Variants in H2BC18 observed in about 807,000 individuals in gnomAD.
H2BC18 encodes the protein H2B clustered histone 18.
Under a neutral mutation model 6.3 loss-of-function variants are expected in H2BC18, and 8 were observed. The ratio of observed to expected loss-of-function variants is 1.28; its 90% CI spans 0.75 to 2.31. The LOEUF (loss-of-function observed/expected upper bound fraction) is 2.31, where lower values mean the gene tolerates loss of function less well. Among genes scored for constraint, H2BC18 ranks in the 30% most tolerant of loss-of-function variants. The probability of loss-of-function intolerance (pLI) is 0.00; values close to 1 mark genes in which losing one functional copy is unlikely to be tolerated. For synonymous variants in H2BC18, 104 were observed against 78.1 expected (o/e 1.33, Z -1.75); for missense variants, 106 against 174.5 (o/e 0.61, Z 2.21).
At position 149,791,359 on chromosome 1, in the gene H2BC18, T is replaced by G. The variant is rs782114637; in HGVS notation, c.378-8099A>C. The G allele has an allele frequency of 1.6e-5, 25 of 1,581,058 alleles. 5 individuals carry two copies. Among genetic ancestry groups the G allele is most frequent in the Non-Finnish European group, 2.6e-6 (3 of 1,160,780 alleles). ...TAAAGAACTGAAAAGAAAGAAAAAG[T>G]GGGATTTAGAAATCTCTTTGGATTC... On this transcript the variant is annotated intron_variant, in intron 1 of 1. Transcript: ENST00000545683.
At chr1:149,791,190 T>G in intron 1 of H2BC18, 1 of 1,605,694 alleles carries the variant, frequency 6.2e-7, no homozygotes, top group Non-Finnish European at 8.5e-7. Flanking sequence ...GCTAGACCCC[T>G]CTGGTCTCTA....
At position 149,790,395 on chromosome 1, in the gene H2BC18, A is replaced by G. The variant is rs2091675457; in HGVS notation, c.378-7135T>C. 3.2e-6 allele frequency: 5 copies of G among 1,551,854 alleles called. No homozygotes were observed. The Admixed American group carries it at 5.9e-5, about 18-fold the overall frequency. Reference sequence around the variant, plus strand: ...AGAAGAAGGGACTCCCTTATCTCCCATGGGACTGAGGTTTGTTCAAGGGTT... The same window carrying G: ...AGAAGAAGGGACTCCCTTATCTCCCGTGGGACTGAGGTTTGTTCAAGGGTT... On this transcript the variant is annotated intron_variant, in intron 1 of 1. Transcript: ENST00000545683.
At position 149,812,143 on chromosome 1, in the gene H2BC18, C is replaced by A; in HGVS notation, c.181G>T (p.Gly61Cys). The change falls in exon 1 of 1, where the codon GGC (glycine) becomes TGC (cysteine). Residue 61 changes from glycine to cysteine, a missense_variant. Coordinates refer to ENST00000369167, the MANE Select transcript of H2BC18 (RefSeq NM_001024599.5). ...PDTGISSKAMGIMNSFVNDIF... is the reference protein window; with the variant it reads ...PDTGISSKAMCIMNSFVNDIF... ...TCGTTGACGAAGGAGTTCATGATGC[C>A]CATGGCCTTGGACGAGATGCCGGTG... The A allele has an allele frequency of 6.2e-7, 1 of 1,614,254 alleles. No individual in the cohort carries two copies. The highest frequency in any genetic ancestry group is 8.5e-7 in the Non-Finnish European group (1 of 1,180,052).
chr1:149,785,809 C>T (rs1553750783), intron 1 of H2BC18: 1 of 152,040 alleles, frequency 6.6e-6, no homozygotes, highest in Admixed American at 6.6e-5. Flanking sequence ...CTCCTTCTTG[C>T]CCATTTCTAG....
chr1:149,790,043 T>C (rs370580970), intron 1 of H2BC18: 10 of 1,612,940 alleles, frequency 6.2e-6, no homozygotes, highest in African/African-American at 1.4e-5. Context: ...CCCCATCAAC[T>C]TTCTCCTTAG....
At position 149,790,405 on chromosome 1, in the gene H2BC18, G is replaced by A. The variant is rs2091675885; in HGVS notation, c.378-7145C>T. On this transcript the variant is annotated intron_variant, in intron 1 of 1. Coordinates refer to the H2BC18 transcript ENST00000545683. Reference sequence around the variant, plus strand: ...ACTCCCTTATCTCCCATGGGACTGAGGTTTGTTCAAGGGTTTTTGGCCCAG... The same window carrying A: ...ACTCCCTTATCTCCCATGGGACTGAAGTTTGTTCAAGGGTTTTTGGCCCAG... 6 of 1,549,470 alleles carry A rather than the reference G, an allele frequency of 3.9e-6. No homozygotes were observed. The East Asian group carries it at 1.5e-4, about 38-fold the overall frequency.
chr1:149,809,623 A>G (rs1428494881), downstream of H2BC18, among the ~76,000 whole-genome samples: 12 of 146,598 alleles, frequency 8.2e-5, no homozygotes, highest in African/African-American at 2.4e-4. Context: ...ACCGAGAAGC[A>G]TATGTCTCTA....
At chr1:149,789,288 G>C (rs1212975876) in intron 1 of H2BC18, among the ~76,000 whole-genome samples, 3 of 152,114 alleles carry the variant, frequency 2.0e-5, no homozygotes, top group Admixed American at 1.3e-4. Context: ...AGCTACTCGG[G>C]AGGCTGAGGC....
intron 1 of H2BC18, among the ~76,000 whole-genome samples, chr1:149,806,580 G>A (rs375948664): frequency 1.1e-4 from 16 of 151,466 alleles, no homozygotes; most frequent in African/African-American, 2.7e-4. Context: ...AGAGCGAGAC[G>A]CGAGACTCCG....
intron 1 of H2BC18, among the ~76,000 whole-genome samples, chr1:149,789,830 C>T (rs2091656077): frequency 6.6e-6 from 1 of 152,078 alleles, no homozygotes; most frequent in Non-Finnish European, 1.5e-5. Context: ...GGTTGGGGAC[C>T]ACTGGTATAG....
chr1:149,800,876 A>G (rs2091860981), intron 1 of H2BC18, among the ~76,000 whole-genome samples: 1 of 152,140 alleles, frequency 6.6e-6, no homozygotes, highest in Non-Finnish European at 1.5e-5. Flanking sequence ...CCTTGAGCCC[A>G]GGAGTTTGAG....
At chr1:149,792,993 G>A in intron 1 of H2BC18, 2 of 1,275,256 alleles carry the variant, frequency 1.6e-6, no homozygotes, top group Non-Finnish European at 2.0e-6. Context: ...GCCTCCCCAG[G>A]CGCGTAGCTG....
intron 1 of H2BC18, among the ~76,000 whole-genome samples, chr1:149,801,089 A>G (rs1425362264): frequency 1.3e-4 from 20 of 152,104 alleles, no homozygotes; most frequent in Non-Finnish European, 2.5e-4. Flanking sequence ...CGGTCTCTAG[A>G]AAATAAATAA....
chr1:149,811,994 G>A lies in H2BC18; in HGVS notation c.330C>T (p.His110=), dbSNP rs1473234507. The change falls in exon 1 of 1, where the codon CAC becomes CAT. Residue 110 remains histidine, a synonymous_variant. Coordinates refer to ENST00000369167, the MANE Select transcript of H2BC18 (RefSeq NM_001024599.5). ...CCGCCTTGGTGCCCTCGGACACGGC[G>A]TGCTTGGCCAGCTCGCCGGGCAGCA... The part of the protein sequence containing the change: ...RLLLPGELAK[H]AVSEGTKAVT... 24 of 1,613,890 alleles carry A rather than the reference G, an allele frequency of 1.5e-5. No homozygotes were observed. In the Admixed American group the frequency reaches 2.0e-4, roughly 13 times the overall value.
Position 149,812,350 on chromosome 1 carries a change from C to G in H2BC18, c.-27G>C, listed in dbSNP as rs781940208. 5.6e-6 allele frequency: 9 copies of G among 1,614,042 alleles called. No individual in the cohort carries two copies. Among genetic ancestry groups the G allele is most frequent in the Non-Finnish European group, 7.6e-6 (9 of 1,179,994 alleles). ...TTTGCGCGAAAAAAGAGAAAAGAGA[C>G]TTAAAGAAGTAATCCGAACTACCGC... On this transcript the variant is annotated 5_prime_UTR_variant, in exon 1 of 1. Transcript: ENST00000369167.
intron 1 of H2BC18, chr1:149,788,635 T>G: frequency 6.2e-7 from 1 of 1,613,862 alleles, no homozygotes; most frequent in Non-Finnish European, 8.5e-7. Context: ...ATTGGAATAG[T>G]CATAGAACTG....
At position 149,791,373 on chromosome 1, in the gene H2BC18, C is replaced by A. The variant is rs1362768016; in HGVS notation, c.378-8113G>T. The A allele has an allele frequency of 1.9e-5, 30 of 1,581,778 alleles. 6 individuals carry two copies. In the East Asian group the frequency reaches 6.1e-4, roughly 32 times the overall value. ...GAAAGAAAAAGTGGGATTTAGAAAT[C>A]TCTTTGGATTCTGGTCATGAGAAGA... On this transcript the variant is annotated intron_variant, in intron 1 of 1. Coordinates refer to the H2BC18 transcript ENST00000545683.
intron 1 of H2BC18, chr1:149,793,291 C>G: frequency 1.4e-5 from 17 of 1,199,162 alleles, no homozygotes; most frequent in Non-Finnish European, 1.7e-5. Flanking sequence ...CGCCCGCCTC[C>G]CCGTCCAGCT....
intron 1 of H2BC18, chr1:149,793,224 C>T (rs1553752418): frequency 7.9e-7 from 1 of 1,265,368 alleles, no homozygotes; most frequent in Admixed American, 2.4e-5. Flanking sequence ...TGGCTTGTCG[C>T]AAGAGCAGCC....
Sources: allele counts gnomAD v4.1 joint callset (sites outside exome capture counted in the v4.1 genomes callset), GRCh38; gene constraint gnomAD v4.1.1; transcripts MANE v1.5; gene names NCBI Gene and HGNC (gene_info 2026-07-23, HGNC 2026-07-21).